LARGE1: variants seen among roughly 807,000 people sequenced by gnomAD.
LARGE1 encodes xylosyl- and glucuronyltransferase LARGE1.
A neutral mutation model predicts 87.6 loss-of-function variants in LARGE1; 43 were observed. The ratio of observed to expected loss-of-function variants is 0.49; its 90% CI spans 0.38 to 0.63. LARGE1 has a LOEUF of 0.63. Among genes scored for constraint, LARGE1 ranks in the 30% least tolerant of loss-of-function variants. LARGE1 has a pLI of 0.00. For synonymous variants in LARGE1, 434 were observed against 394.6 expected (o/e 1.10, Z -1.18); for missense variants, 802 against 1,000.2 (o/e 0.80, Z 2.67).
In LARGE1 at chr22:33,845,828, G is replaced by A. The variant is rs142853044; in HGVS notation, c.-83+74167C>T. On this transcript the variant is annotated intron_variant, in intron 1 of 14. Transcript: ENST00000397394. ...CCATGACTCCCTTTCTCCCCGCCCC[G>A]TGATTACTTTGAAGCAAATCCGCGA... is the stretch of plus-strand genomic sequence containing the variant. Among the ~76,000 whole-genome samples the A allele has an allele frequency of 1.5e-3, 223 of 151,964 alleles. 1 individual carries two copies. The highest frequency in any genetic ancestry group is 4.9e-3 in the African/African-American group (201 of 41,436).
chr22:33,922,581 G>A (rs1441184501), upstream of LARGE1: 1 of 152,236 alleles, frequency 6.6e-6, no homozygotes, highest in East Asian at 1.9e-4. Context: ...TTGGAGCTTC[G>A]GGATAAGTTA....
At chr22:33,581,516 A>AG (rs1384762718) in intron 5 of LARGE1, among the ~76,000 whole-genome samples, 4 of 152,120 alleles carry the variant, frequency 2.6e-5, no homozygotes, top group Non-Finnish European at 4.4e-5. Flanking sequence ...CTTCAGTTAG[A>AG]AGACAGAGAG....
chr22:33,568,209 T>C (rs1246042575), intron 5 of LARGE1, among the ~76,000 whole-genome samples: 4 of 152,264 alleles, frequency 2.6e-5, no homozygotes, highest in Non-Finnish European at 4.4e-5. Flanking sequence ...GGACACAGCC[T>C]ACCTGTGGCA....
intron 11 of LARGE1, among the ~76,000 whole-genome samples, chr22:33,179,016 C>T (rs1894488): frequency 0.085 from 12,986 of 152,120 alleles, 747 homozygotes; most frequent in Middle Eastern, 0.2. Context: ...GGGCATCACA[C>T]GGCAAGAGGG....
intron 6 of LARGE1, among the ~76,000 whole-genome samples, chr22:33,511,544 G>C (rs2148443995): frequency 6.6e-6 from 1 of 152,242 alleles, no homozygotes; most frequent in South Asian, 2.1e-4. Flanking sequence ...TCATGATCCA[G>C]TCTAGAGAAT....
At chr22:33,421,840 A>G (rs2066707194) in intron 7 of LARGE1, among the ~76,000 whole-genome samples, 1 of 152,210 alleles carries the variant, frequency 6.6e-6, no homozygotes, top group Non-Finnish European at 1.5e-5. Context: ...TTCTGGGGGT[A>G]AGCAGGTGGA....
chr22:33,685,539 T>A (rs1250803230), intron 2 of LARGE1, among the ~76,000 whole-genome samples: 2 of 152,210 alleles, frequency 1.3e-5, no homozygotes, highest in Non-Finnish European at 2.9e-5. Flanking sequence ...AAATGCAGAT[T>A]CCTAGGTTAT....
At chr22:33,425,567 C>A (rs927275702) in intron 7 of LARGE1, among the ~76,000 whole-genome samples, 2 of 152,172 alleles carry the variant, frequency 1.3e-5, no homozygotes, top group Non-Finnish European at 2.9e-5. Context: ...GTAGACATTT[C>A]TATTGAGCAC....
intron 7 of LARGE1, among the ~76,000 whole-genome samples, chr22:33,403,792 C>T (rs947306987): frequency 1.1e-4 from 17 of 152,016 alleles, no homozygotes; most frequent in African/African-American, 4.1e-4. Context: ...TTAGTAGAGA[C>T]GGGGTTTTGT....
chr22:33,098,317 T>C, the LARGE1 span, among the ~76,000 whole-genome samples: 1 of 151,742 alleles, frequency 6.6e-6, no homozygotes, highest in African/African-American at 2.4e-5. Flanking sequence ...ATTAAATAAA[T>C]AAACTTAAAA....
intron 2 of LARGE1, among the ~76,000 whole-genome samples, chr22:33,694,852 A>T (rs1336520978): frequency 6.6e-6 from 1 of 152,174 alleles, no homozygotes; most frequent in South Asian, 2.1e-4. Context: ...GCCAGCACTG[A>T]CTTTGGGGGC....
At chr22:33,460,731 T>A (rs1287455121) in intron 6 of LARGE1, among the ~76,000 whole-genome samples, 4 of 152,086 alleles carry the variant, frequency 2.6e-5, no homozygotes, top group African/African-American at 9.7e-5. Flanking sequence ...CAGGATTACA[T>A]AAAAACACCC....
chr22:33,525,816 A>G (rs16992486), intron 6 of LARGE1, among the ~76,000 whole-genome samples: 2,371 of 152,302 alleles, frequency 0.016, 33 homozygotes, highest in Admixed American at 0.044. Context: ...TAGCATATGA[A>G]CAGCTACTTG....
the LARGE1 span, among the ~76,000 whole-genome samples, chr22:33,117,192 G>T: frequency 6.6e-6 from 1 of 152,112 alleles, no homozygotes; most frequent in Admixed American, 6.6e-5. Context: ...ATCTAATTCT[G>T]GTCTTCCAAA....
At chr22:33,878,154 T>TTG (rs1489109532) in intron 1 of LARGE1, among the ~76,000 whole-genome samples, 1 of 135,978 alleles carries the variant, frequency 7.4e-6, no homozygotes, top group Non-Finnish European at 1.6e-5. Context: ...TTTTTTTTTT[T>TTG]AGAGACAGAG....
chr22:33,905,062 C>CTTTT (rs71187290), intron 1 of LARGE1, among the ~76,000 whole-genome samples: 19 of 118,852 alleles, frequency 1.6e-4, no homozygotes, highest in African/African-American at 2.9e-4. Context: ...TTTTTAATTC[C>CTTTT]TTTTTTTTTT....
At chr22:33,406,162 G>C (rs1455411213) in intron 7 of LARGE1, among the ~76,000 whole-genome samples, 1 of 152,116 alleles carries the variant, frequency 6.6e-6, no homozygotes, top group African/African-American at 2.4e-5. Context: ...CAAGTGAGTG[G>C]TGACTCCATT....
At chr22:33,214,029 C>T (rs1240551877) in intron 11 of LARGE1, among the ~76,000 whole-genome samples, 3 of 152,158 alleles carry the variant, frequency 2.0e-5, no homozygotes, top group Middle Eastern at 3.2e-3. Flanking sequence ...AGCGTTTCAC[C>T]GTACTAGCCA....
intron 2 of LARGE1, among the ~76,000 whole-genome samples, chr22:33,674,920 T>C (rs564259241): frequency 5.3e-5 from 8 of 151,900 alleles, no homozygotes; most frequent in African/African-American, 1.7e-4. Context: ...AGGGAGTGTA[T>C]GTTTTAAATT....
Sources: allele counts gnomAD v4.1 joint callset (sites outside exome capture counted in the v4.1 genomes callset), GRCh38; gene constraint gnomAD v4.1.1; transcripts MANE v1.5; gene names NCBI Gene and HGNC (gene_info 2026-07-23, HGNC 2026-07-21).